Variants in C5orf34 observed in about 807,000 individuals in gnomAD.
The protein encoded by C5orf34 is uncharacterized protein C5orf34.
C5orf34 carries 73 observed loss-of-function variants against 78.4 expected under a neutral mutation model. The ratio of observed to expected loss-of-function variants is 0.93; its 90% CI spans 0.77 to 1.13. The LOEUF is 1.13. Among genes scored for constraint, C5orf34 ranks in the 50% most tolerant of loss-of-function variants. The pLI, the probability that C5orf34 is intolerant of heterozygous loss-of-function variation, is 0.00. For synonymous variants in C5orf34, 251 were observed against 246.6 expected, an observed-to-expected ratio of 1.02 and a Z score of -0.17; for missense variants, 730 against 732.7, an observed-to-expected ratio of 1.00 and a Z score of 0.04.
chr5:43,509,388 G>C lies in C5orf34; in HGVS notation c.-36-13C>G. On this transcript the variant is annotated splice_polypyrimidine_tract_variant and intron_variant, in intron 1 of 12. Transcript: ENST00000306862. ...TCTAAGTCAAAGACTGAATGAAATA[G>C]GAAAAACAACAGCATAAATAGTTCT... The C allele has an allele frequency of 7.0e-7, 1 of 1,436,208 alleles. No homozygotes were observed. Among genetic ancestry groups the C allele is most frequent in the Non-Finnish European group, 9.4e-7 (1 of 1,062,042 alleles). 89.0% of individuals were successfully genotyped at this position (1,436,208 alleles called of 1,614,324 possible).
At chr5:43,495,399 T>G (rs921784171) in intron 6 of C5orf34, 85 of 1,611,582 alleles carry the variant, frequency 5.3e-5, no homozygotes, top group Non-Finnish European at 7.0e-5. Flanking sequence ...TAGCCAGCGC[T>G]TATTTGGCCT....
At chr5:43,490,031 A>T (rs193219005) in intron 11 of C5orf34, among the ~76,000 whole-genome samples, 15 of 152,260 alleles carry the variant, frequency 9.9e-5, no homozygotes, top group Non-Finnish European at 1.8e-4. Flanking sequence ...TATGTTCCAT[A>T]AAAACTATCT....
chr5:43,510,479 C>T (rs552250414), intron 1 of C5orf34, among the ~76,000 whole-genome samples: 1 of 152,340 alleles, frequency 6.6e-6, no homozygotes, highest in African/African-American at 2.4e-5. Context: ...TACGGTCTCC[C>T]TCTGATGCCT....
At position 43,495,516 on chromosome 5, in the gene C5orf34, C is replaced by A; in HGVS notation, c.1153-915G>T. The A allele has an allele frequency of 1.9e-6, 3 of 1,608,236 alleles. No individual in the cohort carries two copies. The South Asian group carries it at 3.3e-5, about 18-fold the overall frequency. ...CCACGACGAACATCCTTGACAGACA[C>A]ATTCTTGACATTGAAGCCCACATTG... On this transcript the variant is annotated intron_variant, in intron 6 of 12. Coordinates refer to ENST00000306862, the MANE Select transcript of C5orf34 (RefSeq NM_198566.4).
intron 6 of C5orf34, among the ~76,000 whole-genome samples, chr5:43,497,448 C>G (rs778216632): frequency 4.6e-5 from 7 of 152,046 alleles, no homozygotes; most frequent in Non-Finnish European, 7.4e-5. Flanking sequence ...GGCTAAGAAA[C>G]AGTAGAGATC....
At chr5:43,508,409 C>A (rs544191838) in intron 3 of C5orf34, among the ~76,000 whole-genome samples, 168 bp downstream of exon 3, 1 of 152,060 alleles carries the variant, frequency 6.6e-6, no homozygotes, top group Non-Finnish European at 1.5e-5. Context: ...GATTATAATG[C>A]TTGGATACAA....
chr5:43,492,247 T>G lies in C5orf34; in HGVS notation c.1548A>C (p.Leu516Phe), dbSNP rs779754540. 8 of 1,612,488 alleles carry G rather than the reference T, an allele frequency of 5.0e-6. No homozygotes were observed. Among genetic ancestry groups the G allele is most frequent in the Non-Finnish European group, 6.8e-6 (8 of 1,179,278 alleles). The change falls in exon 10 of 13, where the codon TTA becomes TTC. Residue 516 changes from leucine (L) to phenylalanine (F), a missense_variant. By Grantham distance (22) the Leu-to-Phe change is conservative. Transcript: ENST00000306862. The stretch of plus-strand genomic sequence containing the variant: ...ATGGTTCAGGGTGTTCAATCTGAAT[T>G]AACTGCTCTTGTCCATCAGGAAAAG... ...KLTFPDGQEQ[L>F]IQIEHPEPYE...
Position 43,511,754 on chromosome 5 carries a change from T to C in C5orf34, c.-36-2379A>G, listed in dbSNP as rs369594671. On this transcript the variant is annotated intron_variant, in intron 1 of 12. Transcript: ENST00000306862. Reference sequence around the variant, plus strand: ...CCCCAACCCTGTGCTCTCTGAAACATGTGCTGTGTCCACTCAGGGTTAAAT... The same window carrying C: ...CCCCAACCCTGTGCTCTCTGAAACACGTGCTGTGTCCACTCAGGGTTAAAT... 7.2e-5 allele frequency among the ~76,000 whole-genome samples: 11 copies of C among 152,280 alleles called. No individual in the cohort carries two copies. In the East Asian group the frequency reaches 1.5e-3, roughly 21 times the overall value.
chr5:43,501,824 A>T (rs749833102), intron 6 of C5orf34, among the ~76,000 whole-genome samples: 1 of 152,204 alleles, frequency 6.6e-6, no homozygotes, highest in African/African-American at 2.4e-5. Context: ...GAAATGGTAG[A>T]TGTCAAATAT....
chr5:43,512,320 G>A (rs1040033535), intron 1 of C5orf34, among the ~76,000 whole-genome samples: 6 of 152,242 alleles, frequency 3.9e-5, no homozygotes, highest in African/African-American at 1.4e-4. Context: ...AAAAAATAAC[G>A]TTCTATAGAA....
chr5:43,497,829 G>A (rs1210127563), intron 6 of C5orf34, among the ~76,000 whole-genome samples: 1 of 152,198 alleles, frequency 6.6e-6, no homozygotes, highest in Non-Finnish European at 1.5e-5. Context: ...ACATCACCAT[G>A]TTAAAACTGG....
At chr5:43,494,877 A>G (rs1016070537) in intron 6 of C5orf34, among the ~76,000 whole-genome samples, 17 of 152,206 alleles carry the variant, frequency 1.1e-4, no homozygotes, top group African/African-American at 3.1e-4. Flanking sequence ...CTAATAACTT[A>G]AAACTACCAC....
chr5:43,511,052 C>T (rs561528940), intron 1 of C5orf34: 85 of 184,094 alleles, frequency 4.6e-4, no homozygotes, highest in African/African-American at 1.8e-3. Context: ...TCTGCCCCGC[C>T]GCCCCGTCTG....
chr5:43,488,998 G>C (rs1356248303), intron 11 of C5orf34, among the ~76,000 whole-genome samples: 1 of 151,998 alleles, frequency 6.6e-6, no homozygotes, highest in African/African-American at 2.4e-5. Context: ...GCCTATGGAT[G>C]GAGAATGAAA....
intron 11 of C5orf34, among the ~76,000 whole-genome samples, chr5:43,489,252 G>GA (rs982793034): frequency 6.6e-6 from 1 of 151,502 alleles, no homozygotes; most frequent in Non-Finnish European, 1.5e-5. Flanking sequence ...GGGTGTGGCG[G>GA]AAAAAAAATA....
chr5:43,509,311 T>A lies in C5orf34; in HGVS notation c.29A>T (p.Tyr10Phe), dbSNP rs75740190. 2.8e-5 allele frequency: 45 copies of A among 1,612,754 alleles called. No homozygotes were observed. The East Asian group carries it at 9.6e-4, about 34-fold the overall frequency. Residue 10 changes from tyrosine (Y) to phenylalanine (F), a missense_variant, in exon 2 of 13, where the codon TAT becomes TTT. Physicochemically the swap from Tyr to Phe is conservative, Grantham distance 22. Transcript: ENST00000306862. MAAELRMIL[Y>F]EDDSVQVQYV... ...TTGTACTTGTACTGAATCATCTTCA[T>A]AAAGTATCATTCGCAGTTCAGCTGC...
At chr5:43,495,376 C>A in intron 6 of C5orf34, 1 of 1,611,802 alleles carries the variant, frequency 6.2e-7, no homozygotes, top group Non-Finnish European at 8.5e-7. Context: ...CGTGGCAATC[C>A]AATATAGGGG....
At chr5:43,502,867 T>G (rs1745822649) in intron 5 of C5orf34, among the ~76,000 whole-genome samples, 2 of 152,186 alleles carry the variant, frequency 1.3e-5, no homozygotes, top group African/African-American at 2.4e-5. Context: ...GAAAATAGAT[T>G]AATGAAACTA....
intron 9 of C5orf34, 36 bp downstream of exon 9, chr5:43,492,684 C>T: frequency 3.3e-6 from 5 of 1,536,074 alleles, no homozygotes; most frequent in Non-Finnish European, 3.5e-6. Flanking sequence ...CACAGATTAC[C>T]AATAAAAAAT....
Sources: gnomAD v4.1 joint callset for allele counts (sites outside exome capture counted in the v4.1 genomes callset) on GRCh38, gnomAD v4.1.1 for gene constraint, MANE v1.5 for transcripts, NCBI Gene and HGNC (gene_info 2026-07-23, HGNC 2026-07-21) for gene names.